The following ZBTB7C variants were observed in gnomAD, a reference collection of about 807,000 sequenced individuals.
ZBTB7C encodes zinc finger and BTB domain containing 7C, also known as zinc finger and BTB domain-containing protein 7C.
Under a neutral mutation model 25.7 loss-of-function variants are expected in ZBTB7C, and 8 were observed. The ratio of observed to expected loss-of-function variants is 0.31; its 90% CI spans 0.18 to 0.56. The LOEUF is 0.56. ZBTB7C is among the 20% of genes least tolerant of loss of function. The pLI is 0.91. For synonymous variants in ZBTB7C, 394 were observed against 369.0 expected (o/e 1.07, Z -0.78); for missense variants, 824 against 855.2 (o/e 0.96, Z 0.46).
intron 3 of ZBTB7C, among the ~76,000 whole-genome samples, chr18:48,100,046 G>A (rs892317007): frequency 3.3e-5 from 5 of 152,194 alleles, no homozygotes; most frequent in Admixed American, 1.3e-4. Flanking sequence ...AGCAGCAGAT[G>A]ACTGGGTTGT....
At chr18:48,270,320 C>T (rs1475390348) in intron 2 of ZBTB7C, among the ~76,000 whole-genome samples, 13 of 133,698 alleles carry the variant, frequency 9.7e-5, no homozygotes, top group South Asian at 2.5e-4. Flanking sequence ...TGCAGTGGTG[C>T]GATCTCAGCT....
chr18:48,191,682 C>T (rs2042200814), intron 2 of ZBTB7C, among the ~76,000 whole-genome samples: 1 of 152,204 alleles, frequency 6.6e-6, no homozygotes, highest in Admixed American at 6.5e-5. Flanking sequence ...AGAACAAGGC[C>T]TGGTGTGTTG....
intron 3 of ZBTB7C, among the ~76,000 whole-genome samples, chr18:48,093,781 C>T (rs141922892): frequency 5.9e-5 from 9 of 152,242 alleles, no homozygotes; most frequent in Non-Finnish European, 4.4e-5. Context: ...TTCGGCCAGG[C>T]GCGGTGGCTC....
At chr18:48,158,873 G>T (rs935653393) in intron 3 of ZBTB7C, among the ~76,000 whole-genome samples, 4 of 152,178 alleles carry the variant, frequency 2.6e-5, no homozygotes, top group African/African-American at 9.7e-5. Context: ...GCATGAAGCC[G>T]CTGGGGGAAG....
chr18:48,079,127 AATT>A (rs1189180328), intron 3 of ZBTB7C, among the ~76,000 whole-genome samples: 2 of 152,208 alleles, frequency 1.3e-5, no homozygotes, highest in Non-Finnish European at 2.9e-5. Flanking sequence ...CTTAAAGATC[AATT>A]ATTCCAGTTT....
intron 3 of ZBTB7C, among the ~76,000 whole-genome samples, chr18:48,122,188 T>C (rs750606481): frequency 5.2e-4 from 79 of 152,324 alleles, no homozygotes; most frequent in Non-Finnish European, 5.6e-4. Context: ...CAGCCCAGTG[T>C]AGGCACAGAG....
At chr18:48,120,977 G>A (rs780247580) in intron 3 of ZBTB7C, among the ~76,000 whole-genome samples, 9 of 152,228 alleles carry the variant, frequency 5.9e-5, no homozygotes, top group Non-Finnish European at 1.2e-4. Context: ...AAGAGAGTAA[G>A]TGGGTGCCTC....
intron 1 of ZBTB7C, among the ~76,000 whole-genome samples, chr18:48,392,560 G>C (rs1361791251): frequency 6.6e-6 from 1 of 152,198 alleles, no homozygotes; most frequent in Non-Finnish European, 1.5e-5. Context: ...TTTCAGGATT[G>C]CTAAGTGGTA....
At chr18:48,409,036 A>G (rs1369553675) in intron 1 of ZBTB7C, among the ~76,000 whole-genome samples, 190 bp downstream of exon 1, 5 of 148,932 alleles carry the variant, frequency 3.4e-5, no homozygotes, top group Admixed American at 6.7e-5. Context: ...CCCCTGCTCC[A>G]GCCGGCGCCC....
intron 2 of ZBTB7C, among the ~76,000 whole-genome samples, chr18:48,272,870 A>T (rs112213161): frequency 0.065 from 9,823 of 152,222 alleles, 601 homozygotes; most frequent in East Asian, 0.18. Flanking sequence ...AATCTTGAAA[A>T]CATTATGCTA....
chr18:48,384,973 C>T (rs113298162), intron 1 of ZBTB7C, among the ~76,000 whole-genome samples: 22 of 152,326 alleles, frequency 1.4e-4, no homozygotes, highest in Admixed American at 2.6e-4. Flanking sequence ...TGAGCCACCA[C>T]GCCCAGCCAG....
intron 3 of ZBTB7C, among the ~76,000 whole-genome samples, chr18:48,044,129 T>C (rs529242364): frequency 6.6e-6 from 1 of 152,324 alleles, no homozygotes; most frequent in East Asian, 1.9e-4. Context: ...CCGTTGAACA[T>C]GGTTCTTGTC....
intron 2 of ZBTB7C, among the ~76,000 whole-genome samples, chr18:48,294,654 G>C (rs1186068074): frequency 2.6e-5 from 4 of 151,396 alleles, no homozygotes. Flanking sequence ...CATGCCTGCT[G>C]TTGACCTGCC....
At chr18:48,411,166 A>G (rs771617897), upstream of ZBTB7C, among the ~76,000 whole-genome samples, 3 of 152,200 alleles carry the variant, frequency 2.0e-5, no homozygotes, top group Non-Finnish European at 2.9e-5. Context: ...GTGGAAAACT[A>G]GATATGAATA....
At chr18:48,154,248 A>C (rs2040766822) in intron 3 of ZBTB7C, among the ~76,000 whole-genome samples, 1 of 152,204 alleles carries the variant, frequency 6.6e-6, no homozygotes, top group South Asian at 2.1e-4. Flanking sequence ...CTGAATGGCC[A>C]GGAGGTCAAT....
chr18:48,077,694 T>C (rs2037824890), intron 3 of ZBTB7C, among the ~76,000 whole-genome samples: 1 of 152,204 alleles, frequency 6.6e-6, no homozygotes, highest in Non-Finnish European at 1.5e-5. Context: ...GTGTAAGCAC[T>C]GAATGTAGTG....
intron 3 of ZBTB7C, chr18:48,162,482 T>G: frequency 4.5e-6 from 2 of 440,014 alleles, no homozygotes; most frequent in Non-Finnish European, 9.4e-6. Flanking sequence ...TCATAGACAG[T>G]TGTTACTATT....
Position 48,173,519 on chromosome 18 carries a change from T to TC in ZBTB7C, c.-17+12414dup, listed in dbSNP as rs375159572. ...ACACAGTCTCAGGGCCTATGATACG[T>TC]CCCCCCTTCCCATCCATTCAACTTG... On this transcript the variant is annotated intron_variant, in intron 3 of 4. Coordinates refer to ENST00000590800, the MANE Select transcript of ZBTB7C (RefSeq NM_001318841.2). Among the ~76,000 whole-genome samples, 335 of 152,086 alleles carry TC rather than the reference T, an allele frequency of 2.2e-3. 1 individual carries two copies. Among genetic ancestry groups the TC allele is most frequent in the African/African-American group, 7.7e-3 (321 of 41,476 alleles).
chr18:48,395,013 C>CA (rs1404654586), intron 1 of ZBTB7C, among the ~76,000 whole-genome samples: 1 of 152,154 alleles, frequency 6.6e-6, no homozygotes, highest in Admixed American at 6.6e-5. Context: ...AATGAACTGA[C>CA]TCTTAATGTG....
Sources: allele counts gnomAD v4.1 joint callset (sites outside exome capture counted in the v4.1 genomes callset), GRCh38; gene constraint gnomAD v4.1.1; transcripts MANE v1.5; gene names NCBI Gene and HGNC (gene_info 2026-07-23, HGNC 2026-07-21).